ACADS: variants seen among roughly 807,000 people sequenced by gnomAD.
ACADS encodes the protein acyl-CoA dehydrogenase short chain.
A neutral mutation model predicts 46.8 loss-of-function variants in ACADS; 28 were observed. That is an observed-to-expected ratio of 0.60 (90% CI 0.44 to 0.82). The LOEUF (loss-of-function observed/expected upper bound fraction) is 0.82. Ranked by LOEUF, ACADS falls within the 40% of genes least tolerant of loss-of-function variation. The pLI is 0.00. For missense variants in ACADS, 528 were observed against 578.0 expected (o/e 0.91, Z 0.89); for synonymous variants, 236 against 237.7 (o/e 0.99, Z 0.07).
At chr12:120,736,864 C>T in intron 2 of ACADS, 122 bp from the exon 3 acceptor site, 2 of 1,281,390 alleles carry the variant, frequency 1.6e-6, no homozygotes, top group Non-Finnish European at 2.1e-6. Context: ...TTGTGCGTGG[C>T]TGGGGTCACA....
At chr12:120,735,090 G>A (rs930176701) in intron 2 of ACADS, among the ~76,000 whole-genome samples, 15 of 146,774 alleles carry the variant, frequency 1.0e-4, no homozygotes, top group Non-Finnish European at 1.9e-4. Flanking sequence ...TGGCTAATGT[G>A]GTGAAACCTG....
intron 2 of ACADS, among the ~76,000 whole-genome samples, chr12:120,736,268 A>G (rs1445854062): frequency 1.3e-5 from 2 of 152,098 alleles, no homozygotes; most frequent in Non-Finnish European, 2.9e-5. Context: ...AGGTGTGATC[A>G]CTGCTCCTGG....
intron 2 of ACADS, among the ~76,000 whole-genome samples, chr12:120,732,636 A>G (rs1252475086): frequency 6.7e-6 from 1 of 148,290 alleles, no homozygotes; most frequent in African/African-American, 2.5e-5. Context: ...GCAGTGGGGC[A>G]GAGGCGCTCC....
chr12:120,734,540 C>T (rs570390987), intron 2 of ACADS, among the ~76,000 whole-genome samples: 2 of 152,276 alleles, frequency 1.3e-5, no homozygotes, highest in Admixed American at 6.5e-5. Context: ...TAAGCAATTT[C>T]ACAGAGGGAC....
chr12:120,731,578 C>T (rs914385537), intron 2 of ACADS, among the ~76,000 whole-genome samples: 1 of 152,010 alleles, frequency 6.6e-6, no homozygotes, highest in Non-Finnish European at 1.5e-5. Context: ...TCTCAGCCTC[C>T]CAAGTAGCTG....
At chr12:120,738,495 C>T in intron 6 of ACADS, 38 bp from the exon 7 acceptor site, 1 of 1,605,820 alleles carries the variant, frequency 6.2e-7, no homozygotes, top group South Asian at 1.1e-5. Flanking sequence ...AGGCCCGCGC[C>T]CCGGCTGGCG....
At chr12:120,735,788 A>C (rs917997459) in intron 2 of ACADS, among the ~76,000 whole-genome samples, 17 of 151,920 alleles carry the variant, frequency 1.1e-4, no homozygotes, top group African/African-American at 4.1e-4. Context: ...AATCTCAGCT[A>C]CTCGGTAGGC....
chr12:120,728,923 G>A lies in ACADS; in HGVS notation c.210+1734G>A, dbSNP rs1883167415. The stretch of plus-strand genomic sequence containing the variant: ...AGGCTTGCCTTGTCTGTCACTGCTG[G>A]GAAAGGGGTCTTACAGTTTCTTACG... On this transcript the variant is annotated intron_variant, in intron 2 of 9. Transcript: ENST00000242592. The surrounding 1 kb of genome is among the most constrained non-coding windows in gnomAD (Gnocchi z 4.0). Among the ~76,000 whole-genome samples, 1 of 152,232 alleles carries A rather than the reference G, an allele frequency of 6.6e-6. No homozygotes were observed. The highest frequency in any genetic ancestry group is 1.5e-5 in the Non-Finnish European group (1 of 68,042).
At chr12:120,737,735 T>G in intron 4 of ACADS, 102 bp from the exon 5 acceptor site, 4 of 1,532,798 alleles carry the variant, frequency 2.6e-6, no homozygotes, top group Non-Finnish European at 2.7e-6. Context: ...GCCCGAGTCA[T>G]AGGGTTTCGT....
Position 120,738,005 on chromosome 12 carries a change from AG to A in ACADS, c.624+21del. On this transcript the variant is annotated intron_variant, in intron 5 of 9. Transcript: ENST00000242592. Reference sequence around the variant, plus strand: ...CAAAACAAGGTGGGCCCACCCAGAGAGGGGTTCAGCCGGATCCTGGGCTGCT... The same window carrying A: ...CAAAACAAGGTGGGCCCACCCAGAGAGGGTTCAGCCGGATCCTGGGCTGCT... 1.2e-6 allele frequency: 2 copies of A among 1,613,242 alleles called. No homozygotes were observed. The highest frequency in any genetic ancestry group is 1.7e-6 in the Non-Finnish European group (2 of 1,179,964).
Position 120,737,958 on chromosome 12 carries a change from T to C in ACADS, c.594T>C (p.Phe198=). The C allele has an allele frequency of 6.2e-7, 1 of 1,614,060 alleles. No individual in the cohort carries two copies. Among genetic ancestry groups the C allele is most frequent in the Non-Finnish European group, 8.5e-7 (1 of 1,180,020 alleles). The change falls in exon 5 of 10, where the codon TTT becomes TTC. Residue 198 remains phenylalanine (F), a synonymous_variant. Transcript: ENST00000242592. ...NAWEASAAVV[F]ASTDRALQNK... ...GGGAGGCTTCGGCTGCCGTGGTCTTTGCCAGCACGGACAGAGCCCTGCAAA... is the reference window on the plus strand; with the variant it reads ...GGGAGGCTTCGGCTGCCGTGGTCTTCGCCAGCACGGACAGAGCCCTGCAAA...
Position 120,727,071 on chromosome 12 carries a change from C to T in ACADS, c.92C>T (p.Ser31Phe), listed in dbSNP as rs766747544. Reference protein sequence around the residue: ...AWRQLHTIYQSVELPETHQML... With the variant: ...AWRQLHTIYQFVELPETHQML... ...CGGCAGTTACACACCATCTACCAGT[C>T]TGTGGAACTGCCCGAGACACACCAG... is the stretch of plus-strand genomic sequence containing the variant. The change falls in exon 2 of 10, where the codon TCT (serine) becomes TTT (phenylalanine). Residue 31 changes from serine to phenylalanine, a missense_variant. Ser to Phe is a radical substitution (Grantham distance 155). Coordinates refer to ENST00000242592, the MANE Select transcript of ACADS (RefSeq NM_000017.4). 2.7e-5 allele frequency: 43 copies of T among 1,614,094 alleles called. No individual in the cohort carries two copies. The highest frequency in any genetic ancestry group is 3.6e-5 in the Non-Finnish European group (43 of 1,180,048).
chr12:120,726,080 C>T, intron 1 of ACADS, 149 bp downstream of exon 1: 1 of 825,944 alleles, frequency 1.2e-6, no homozygotes, highest in East Asian at 3.2e-5. Flanking sequence ...TCTGCTGCTC[C>T]TTGCGCCGAC....
rs890051751 is a variant in ACADS, at chr12:120,739,870, C to T, written c.*422C>T. 7.4e-5 allele frequency: 16 copies of T among 216,458 alleles called. No individual in the cohort carries two copies. Among genetic ancestry groups the T allele is most frequent in the Middle Eastern group, 2.0e-3 (1 of 500 alleles). The allele number at this position is 216,458 out of a possible 1,614,324, so 13.4% of individuals were successfully genotyped here. On this transcript the variant is annotated 3_prime_UTR_variant, in exon 10 of 10. Transcript: ENST00000242592. ...GGGTCAGGATGACGAGGCCTGGGGT[C>T]CTGGTGTTGGGCAGGTGGTGGGGCT...
chr12:120,732,406 G>T (rs909181205), intron 2 of ACADS, among the ~76,000 whole-genome samples: 17 of 147,716 alleles, frequency 1.2e-4, no homozygotes, highest in Non-Finnish European at 2.1e-4. Context: ...TCTGCTGGGC[G>T]GAGGGGCTCC....
Position 120,732,330 on chromosome 12 carries a change from G to A in ACADS, c.211-4656G>A, listed in dbSNP as rs1164860705. ...GGGGGCTGCCCCCAACCTCCCTCCC[G>A]GACGGGGTGGCTGCCGGACGGGGTG... On this transcript the variant is annotated intron_variant, in intron 2 of 9. Coordinates refer to ENST00000242592, the MANE Select transcript of ACADS (RefSeq NM_000017.4). Among the ~76,000 whole-genome samples, 13 of 151,524 alleles carry A rather than the reference G, an allele frequency of 8.6e-5. 1 individual carries two copies. The highest frequency in any genetic ancestry group is 2.9e-4 in the African/African-American group (12 of 41,248).
intron 2 of ACADS, among the ~76,000 whole-genome samples, chr12:120,729,857 G>A (rs1035453921): frequency 3.3e-5 from 5 of 152,168 alleles, no homozygotes; most frequent in Admixed American, 1.3e-4. Context: ...GATGGAGAAG[G>A]CTGTGCTCTT....
Position 120,738,536 on chromosome 12 carries a change from A to G in ACADS, c.799A>G (p.Thr267Ala), listed in dbSNP as rs780025369. The change falls in exon 7 of 10, where the codon ACC becomes GCC. Residue 267 changes from threonine to alanine, a missense_variant. Transcript: ENST00000242592. ...CTGACCAGGGCGGTCCCCACAGCAAACCCTGGACATGGGCCGCATCGGCAT... is the reference window on the plus strand; with the variant it reads ...CTGACCAGGGCGGTCCCCACAGCAAGCCCTGGACATGGGCCGCATCGGCAT... The part of the protein sequence containing the change: ...PGMGFKIAMQ[T>A]LDMGRIGIAS... 3 of 1,609,262 alleles carry G rather than the reference A, an allele frequency of 1.9e-6. No homozygotes were observed. The highest frequency in any genetic ancestry group is 1.3e-5 in the African/African-American group (1 of 75,044).
chr12:120,727,560 G>T (rs1241412268), intron 2 of ACADS, among the ~76,000 whole-genome samples: 1 of 152,124 alleles, frequency 6.6e-6, no homozygotes, highest in Non-Finnish European at 1.5e-5. Context: ...TTTTGAGACG[G>T]AGTTTCACTC....
Sources: gnomAD v4.1 joint callset for allele counts (sites outside exome capture counted in the v4.1 genomes callset) on GRCh38, gnomAD v4.1.1 for gene constraint, Gnocchi (gnomAD v3.1) non-coding constraint, MANE v1.5 for transcripts, NCBI Gene and HGNC (gene_info 2026-07-23, HGNC 2026-07-21) for gene names.